The following SNX24 variants were observed in gnomAD, a reference collection of about 807,000 sequenced individuals.
The protein encoded by SNX24 is sorting nexin 24, also known as sorting nexin-24.
SNX24 carries 22 observed loss-of-function variants against 28.7 expected under a neutral mutation model. The observed-to-expected ratio is 0.77, with a 90% CI of 0.55 to 1.10. The LOEUF is 1.10. SNX24 is among the 50% of genes least tolerant of loss of function. The pLI, the probability that SNX24 is intolerant of heterozygous loss-of-function variation, is 0.00. For missense variants in SNX24, 221 were observed against 201.1 expected, an observed-to-expected ratio of 1.10 and a Z score of -0.60; for synonymous variants, 69 against 71.5, an observed-to-expected ratio of 0.96 and a Z score of 0.18.
At chr5:122,991,515 A>G (rs1228899925) in intron 3 of SNX24, among the ~76,000 whole-genome samples, 2 of 152,258 alleles carry the variant, frequency 1.3e-5, no homozygotes, top group East Asian at 3.9e-4. Context: ...GCTGGAGTGC[A>G]TTGATGCCAT....
intron 3 of SNX24, among the ~76,000 whole-genome samples, chr5:122,981,910 T>C (rs896940805): frequency 6.6e-6 from 1 of 152,250 alleles, no homozygotes; most frequent in African/African-American, 2.4e-5. Flanking sequence ...CCTTGGAATA[T>C]AGACCACCTT....
Position 122,999,942 on chromosome 5 carries a change from A to G in SNX24, c.280A>G (p.Lys94Glu), listed in dbSNP as rs540784484. 6.2e-7 allele frequency: 1 copy of G among 1,613,350 alleles called. No individual in the cohort carries two copies. Among genetic ancestry groups the G allele is most frequent in the South Asian group, 1.1e-5 (1 of 91,060 alleles). The part of the protein sequence containing the change: ...AVILENEELP[K>E]LFLDFLNVRH... The stretch of plus-strand genomic sequence containing the variant: ...CATTTTAGAAAATGAAGAACTTCCC[A>G]AACTGTTTCTTGATTTCCTAAATGT... Residue 94 changes from lysine to glutamate, a missense_variant, in exon 4 of 7, where the codon AAA becomes GAA. Coordinates refer to ENST00000261369, the MANE Select transcript of SNX24 (RefSeq NM_014035.4).
chr5:122,865,423 C>T (rs566340241), intron 1 of SNX24, among the ~76,000 whole-genome samples: 55 of 152,292 alleles, frequency 3.6e-4, no homozygotes, highest in Middle Eastern at 6.8e-3. Context: ...CTCTGCCTCC[C>T]GGGTTCAAGT....
intron 1 of SNX24, among the ~76,000 whole-genome samples, chr5:122,932,663 A>G (rs1446833985): frequency 1.3e-5 from 2 of 151,912 alleles, no homozygotes; most frequent in Non-Finnish European, 2.9e-5. Context: ...AGGTCAGGAG[A>G]TAGAGACCAC....
intron 3 of SNX24, among the ~76,000 whole-genome samples, chr5:122,949,234 G>T (rs565593770): frequency 6.6e-6 from 1 of 152,086 alleles, no homozygotes; most frequent in Non-Finnish European, 1.5e-5. Context: ...TAATGAAAAT[G>T]AGAGGCAAAA....
intron 1 of SNX24, among the ~76,000 whole-genome samples, chr5:122,934,140 T>C (rs572842889): frequency 6.6e-6 from 1 of 152,174 alleles, no homozygotes; most frequent in East Asian, 1.9e-4. Flanking sequence ...TAAATATCTG[T>C]TGAATAAATA....
chr5:123,021,751 G>A (rs889226106), intron 5 of SNX24, among the ~76,000 whole-genome samples: 2 of 152,068 alleles, frequency 1.3e-5, no homozygotes, highest in Non-Finnish European at 2.9e-5. Context: ...GGCCCAAACT[G>A]GTCCAGTCTC....
intron 3 of SNX24, among the ~76,000 whole-genome samples, chr5:122,950,646 C>T (rs1038397956): frequency 6.6e-6 from 1 of 152,110 alleles, no homozygotes; most frequent in African/African-American, 2.4e-5. Context: ...GATGTTTTTC[C>T]TGATCTCATT....
chr5:122,997,640 A>C (rs985514429), intron 3 of SNX24, among the ~76,000 whole-genome samples: 1 of 152,206 alleles, frequency 6.6e-6, no homozygotes, highest in African/African-American at 2.4e-5. Context: ...AACCCCCTGA[A>C]CACTCAAGAG....
At chr5:122,974,107 C>T (rs1365296684) in intron 3 of SNX24, among the ~76,000 whole-genome samples, 1 of 152,178 alleles carries the variant, frequency 6.6e-6, no homozygotes, top group African/African-American at 2.4e-5. Context: ...GGCATTGTGC[C>T]TCTTTCTTGG....
intron 1 of SNX24, among the ~76,000 whole-genome samples, chr5:122,886,859 T>C (rs182351739): frequency 5.4e-4 from 82 of 152,142 alleles, no homozygotes; most frequent in African/African-American, 1.8e-3. Flanking sequence ...ATTATTTTTA[T>C]ATTTCTCCTG....
At chr5:122,935,829 G>C (rs1002890943) in intron 1 of SNX24, among the ~76,000 whole-genome samples, 1 of 151,984 alleles carries the variant, frequency 6.6e-6, no homozygotes, top group African/African-American at 2.4e-5. Flanking sequence ...TCAGAAGGGC[G>C]ATTGAAATAG....
intron 1 of SNX24, among the ~76,000 whole-genome samples, chr5:122,874,960 T>C (rs1046246456): frequency 5.9e-5 from 9 of 152,254 alleles, no homozygotes; most frequent in African/African-American, 2.2e-4. Flanking sequence ...TTGATATTTG[T>C]TTCTCAAAAT....
intron 3 of SNX24, among the ~76,000 whole-genome samples, chr5:122,969,214 A>C (rs1389022763): frequency 2.0e-5 from 3 of 152,210 alleles, no homozygotes; most frequent in Non-Finnish European, 4.4e-5. Context: ...GTGTTTTAAA[A>C]GTTCTTTCCC....
intron 3 of SNX24, among the ~76,000 whole-genome samples, chr5:122,980,106 T>C (rs1426546617): frequency 2.0e-5 from 3 of 152,206 alleles, no homozygotes; most frequent in South Asian, 2.1e-4. Context: ...AAATAGTAAG[T>C]ATACTTACAT....
At chr5:122,928,534 G>T (rs1449812397) in intron 1 of SNX24, among the ~76,000 whole-genome samples, 2 of 152,094 alleles carry the variant, frequency 1.3e-5, no homozygotes, top group Admixed American at 6.5e-5. Context: ...GTGAGCTACT[G>T]TTGCAGGCCT....
chr5:122,934,517 G>A (rs552451177), intron 1 of SNX24, among the ~76,000 whole-genome samples: 3 of 152,006 alleles, frequency 2.0e-5, no homozygotes, highest in African/African-American at 4.8e-5. Flanking sequence ...ACACCACTAT[G>A]CCCAGCTAAT....
chr5:122,969,835 A>G (rs985113837), intron 3 of SNX24, among the ~76,000 whole-genome samples: 1 of 152,106 alleles, frequency 6.6e-6, no homozygotes, highest in Non-Finnish European at 1.5e-5. Flanking sequence ...CGTCGCACCC[A>G]GGGTGCTGCT....
intron 6 of SNX24, among the ~76,000 whole-genome samples, chr5:123,004,540 C>G (rs779880230): frequency 6.6e-6 from 1 of 152,158 alleles, no homozygotes; most frequent in Non-Finnish European, 1.5e-5. Context: ...AGATAATCTC[C>G]TTGTGTGTGG....
Sources: allele counts gnomAD v4.1 joint callset (sites outside exome capture counted in the v4.1 genomes callset), GRCh38; gene constraint gnomAD v4.1.1; transcripts MANE v1.5; gene names NCBI Gene and HGNC (gene_info 2026-07-23, HGNC 2026-07-21).